Variants in GALNT2 observed in about 807,000 individuals in gnomAD.
GALNT2 encodes the protein polypeptide N-acetylgalactosaminyltransferase 2.
In GALNT2, 31 loss-of-function variants were observed where a neutral mutation model predicts 81.4. That is an observed-to-expected ratio of 0.38 (90% CI 0.29 to 0.51). The LOEUF is 0.51. Among genes scored for constraint, GALNT2 ranks in the 20% least tolerant of loss-of-function variants. GALNT2 has a pLI of 0.87. For synonymous variants in GALNT2, 303 were observed against 287.4 expected, an observed-to-expected ratio of 1.05 and a Z score of -0.55; for missense variants, 629 against 765.7, an observed-to-expected ratio of 0.82 and a Z score of 2.11.
chr1:230,227,920 A>G (rs1202281349), intron 3 of GALNT2, among the ~76,000 whole-genome samples: 1 of 152,220 alleles, frequency 6.6e-6, no homozygotes. Context: ...AACGAATGGA[A>G]AGACAGGGAC....
chr1:230,199,990 C>G (rs1264091), intron 2 of GALNT2, among the ~76,000 whole-genome samples: 1 of 152,042 alleles, frequency 6.6e-6, no homozygotes, highest in African/African-American at 2.4e-5. Flanking sequence ...ATGCTTCATT[C>G]TTCACCCTCA....
chr1:230,249,678 C>T (rs1038430607), intron 9 of GALNT2, among the ~76,000 whole-genome samples: 1 of 27,986 alleles, frequency 3.6e-5, no homozygotes, highest in Non-Finnish European at 5.7e-5. Context: ...GCTCATGAAG[C>T]CCATGCTTTT....
intron 3 of GALNT2, among the ~76,000 whole-genome samples, chr1:230,211,881 A>C (rs1426623276): frequency 2.0e-5 from 3 of 152,130 alleles, no homozygotes; most frequent in Non-Finnish European, 4.4e-5. Context: ...CGGAACTCAG[A>C]CCCCACTTCC....
intron 1 of GALNT2, among the ~76,000 whole-genome samples, chr1:230,149,122 C>G (rs377290113): frequency 2.0e-4 from 30 of 152,352 alleles, no homozygotes; most frequent in African/African-American, 7.2e-4. Context: ...CTCAGGCAGT[C>G]CACCTGCCTC....
intron 2 of GALNT2, among the ~76,000 whole-genome samples, chr1:230,190,727 CTG>C (rs1021740422): frequency 6.6e-6 from 1 of 152,120 alleles, no homozygotes; most frequent in African/African-American, 2.4e-5. Flanking sequence ...AAATACAGCA[CTG>C]TGGTGTACCA....
At chr1:230,060,351 C>T (rs867506369) in intron 1 of GALNT2, among the ~76,000 whole-genome samples, 5 of 152,114 alleles carry the variant, frequency 3.3e-5, no homozygotes, top group Middle Eastern at 6.8e-3. Context: ...TTTGCTCAAC[C>T]CTTGTTTATA....
At chr1:230,066,850 G>A (rs1171435609), upstream of GALNT2, among the ~76,000 whole-genome samples, 1 of 151,826 alleles carries the variant, frequency 6.6e-6, no homozygotes, top group African/African-American at 2.4e-5. Flanking sequence ...GCAGCCACCT[G>A]TCACTCACGG....
intron 1 of GALNT2, among the ~76,000 whole-genome samples, chr1:230,167,114 G>A (rs939320852): frequency 2.7e-5 from 4 of 149,010 alleles, no homozygotes; most frequent in African/African-American, 9.8e-5. Context: ...TCTTGGAGAT[G>A]CTCTTCAAAA....
In GALNT2 at chr1:230,279,959, T is replaced by C. The variant is rs997687380; in HGVS notation, c.*501T>C. 2.2e-6 allele frequency: 1 copy of C among 456,308 alleles called. No homozygotes were observed. The highest frequency in any genetic ancestry group is 4.4e-6 in the Non-Finnish European group (1 of 226,966). The allele number at this position is 456,308 out of a possible 1,614,324, so 28.3% of individuals were successfully genotyped here. On this transcript the variant is annotated 3_prime_UTR_variant, in exon 16 of 16. Coordinates refer to ENST00000366672, the MANE Select transcript of GALNT2 (RefSeq NM_004481.5). The surrounding 1 kb of genome is among the most constrained non-coding windows in gnomAD (Gnocchi z 4.6). ...CAGGTTTACGTCAATAGTCCCTCTC[T>C]CTGCTCCTCCATTCGCAAGTGTCTT...
chr1:230,160,623 A>G (rs1360472082), intron 1 of GALNT2, among the ~76,000 whole-genome samples: 1 of 151,484 alleles, frequency 6.6e-6, no homozygotes, highest in African/African-American at 2.4e-5. Context: ...CTGAGGCAGG[A>G]GAATTGCTTA....
chr1:230,152,073 A>G (rs1006527563), intron 1 of GALNT2, among the ~76,000 whole-genome samples: 1 of 152,146 alleles, frequency 6.6e-6, no homozygotes, highest in African/African-American at 2.4e-5. Flanking sequence ...AGCCTGTCTT[A>G]TCAGCAAGGT....
At chr1:230,208,064 A>T (rs1329881014) in intron 3 of GALNT2, among the ~76,000 whole-genome samples, 1 of 152,200 alleles carries the variant, frequency 6.6e-6, no homozygotes, top group Non-Finnish European at 1.5e-5. Context: ...TTCTCAATTT[A>T]AAAAAATAAT....
chr1:230,241,443 C>CGTTTGTTT (rs372451739), intron 6 of GALNT2, among the ~76,000 whole-genome samples: 2 of 144,064 alleles, frequency 1.4e-5, no homozygotes, highest in African/African-American at 5.1e-5. Context: ...TTTTTTTTTT[C>CGTTTGTTT]GTTTGTTTGT....
chr1:230,220,539 G>A (rs1017386865), intron 3 of GALNT2, among the ~76,000 whole-genome samples: 1 of 151,906 alleles, frequency 6.6e-6, no homozygotes, highest in African/African-American at 2.4e-5. Context: ...AGCACCCAGC[G>A]TAGCTCCTGG....
chr1:230,067,292 C>T lies in GALNT2; in HGVS notation c.12C>T (p.Arg4=). 5.9e-6 allele frequency: 8 copies of T among 1,360,222 alleles called. No individual in the cohort carries two copies. Among genetic ancestry groups the T allele is most frequent in the Non-Finnish European group, 7.7e-6 (8 of 1,043,064 alleles). 84.3% of individuals were successfully genotyped at this position (1,360,222 alleles called of 1,614,324 possible). The stretch of plus-strand genomic sequence containing the variant: ...GCCGAGTTGGGAGAATGCGGCGGCG[C>T]TCGCGGATGCTGCTCTGCTTCGCCT... MRR[R]SRMLLCFAFL... Residue 4 remains arginine (R), a synonymous_variant, in exon 1 of 16, where the codon CGC becomes CGT. Coordinates refer to ENST00000366672, the MANE Select transcript of GALNT2 (RefSeq NM_004481.5).
chr1:230,138,566 C>T (rs904714733), intron 1 of GALNT2, among the ~76,000 whole-genome samples: 1 of 151,572 alleles, frequency 6.6e-6, no homozygotes, highest in African/African-American at 2.4e-5. Flanking sequence ...AAAGAATGGC[C>T]ACTCCATAGG....
chr1:230,232,107 T>C (rs552388364), intron 3 of GALNT2, among the ~76,000 whole-genome samples: 3 of 152,304 alleles, frequency 2.0e-5, no homozygotes, highest in South Asian at 2.1e-4. Context: ...ATACAAAATT[T>C]ATTCTTTTTC....
At position 230,281,741 on chromosome 1, in the gene GALNT2, G is replaced by A. The variant is rs952709576; in HGVS notation, c.*2283G>A. The A allele has an allele frequency of 2.6e-5, 4 of 152,566 alleles. No individual in the cohort carries two copies. Among genetic ancestry groups the A allele is most frequent in the Non-Finnish European group, 5.9e-5 (4 of 68,044 alleles). The allele number at this position is 152,566 out of a possible 1,614,324, so 9.5% of individuals were successfully genotyped here. A position where few individuals can be genotyped will look rare whatever the true frequency, so the allele number is the denominator to read the frequency against. On this transcript the variant is annotated 3_prime_UTR_variant, in exon 16 of 16. Coordinates refer to ENST00000366672, the MANE Select transcript of GALNT2 (RefSeq NM_004481.5). ...CAAGAGCAGGGGTGGGCCGGGGAGG[G>A]GTCCTTTGCGGTGAGCTATGTTTAC...
chr1:230,265,196 G>C (rs368155423), intron 13 of GALNT2, 45 bp from the exon 14 acceptor site: 4 of 1,612,644 alleles, frequency 2.5e-6, no homozygotes, highest in Non-Finnish European at 3.4e-6. Context: ...ACGGGAGCTG[G>C]TGGTCATGTG....
Sources: gnomAD v4.1 joint callset for allele counts (sites outside exome capture counted in the v4.1 genomes callset) on GRCh38, gnomAD v4.1.1 for gene constraint, Gnocchi (gnomAD v3.1) non-coding constraint, MANE v1.5 for transcripts, NCBI Gene and HGNC (gene_info 2026-07-23, HGNC 2026-07-21) for gene names.